RPN2: variants seen among roughly 807,000 people sequenced by gnomAD.
The protein encoded by RPN2 is dolichyl-diphosphooligosaccharide--protein glycosyltransferase subunit 2.
RPN2 carries 29 observed loss-of-function variants against 71.4 expected under a neutral mutation model. The ratio of observed to expected loss-of-function variants is 0.41; its 90% CI spans 0.30 to 0.55. The LOEUF (loss-of-function observed/expected upper bound fraction) is 0.55. Ranked by LOEUF, RPN2 falls within the 20% of genes least tolerant of loss-of-function variation. The pLI, the probability that RPN2 is intolerant of heterozygous loss-of-function variation, is 0.35. For missense variants in RPN2, 726 were observed against 774.1 expected, an observed-to-expected ratio of 0.94 and a Z score of 0.74; for synonymous variants, 308 against 305.0, an observed-to-expected ratio of 1.01 and a Z score of -0.10.
At chr20:37,181,573 A>G (rs936486679) in intron 1 of RPN2, among the ~76,000 whole-genome samples, 2 of 151,612 alleles carry the variant, frequency 1.3e-5, no homozygotes, top group Non-Finnish European at 2.9e-5. Context: ...CCAAGTCACC[A>G]TGTGCGGCTC....
intron 2 of RPN2, among the ~76,000 whole-genome samples, chr20:37,197,278 G>T (rs1316902492): frequency 6.6e-6 from 1 of 152,186 alleles, no homozygotes; most frequent in African/African-American, 2.4e-5. Flanking sequence ...TAAAGGTAAA[G>T]CAACACGGTT....
At chr20:37,192,217 G>A (rs2067157174) in intron 2 of RPN2, among the ~76,000 whole-genome samples, 1 of 152,212 alleles carries the variant, frequency 6.6e-6, no homozygotes, top group African/African-American at 2.4e-5. Context: ...AGTGCATATA[G>A]TAGTAAGTAT....
intron 1 of RPN2, among the ~76,000 whole-genome samples, chr20:37,180,058 A>T (rs77114660): frequency 6.6e-6 from 1 of 152,220 alleles, no homozygotes; most frequent in Admixed American, 6.5e-5. Flanking sequence ...AGTTAACTGC[A>T]TTGGAAGTTA....
At chr20:37,226,056 A>C (rs1333597887) in intron 11 of RPN2, among the ~76,000 whole-genome samples, 21 of 152,050 alleles carry the variant, frequency 1.4e-4, no homozygotes. Context: ...GCAGATTTGC[A>C]CTTAATTAAG....
At chr20:37,233,642 G>A (rs1052679057) in intron 14 of RPN2, among the ~76,000 whole-genome samples, 8 of 152,168 alleles carry the variant, frequency 5.3e-5, no homozygotes, top group African/African-American at 1.4e-4. Context: ...ACCAGCTGCC[G>A]GTGGGTTTAT....
intron 4 of RPN2, among the ~76,000 whole-genome samples, chr20:37,201,117 AT>A (rs1221333012): frequency 3.3e-5 from 5 of 151,036 alleles, no homozygotes; most frequent in Non-Finnish European, 7.4e-5. Context: ...AAATGAGATA[AT>A]AGGTGTGAAG....
intron 6 of RPN2, among the ~76,000 whole-genome samples, chr20:37,206,202 C>G (rs149072579): frequency 4.5e-4 from 69 of 152,268 alleles, no homozygotes; most frequent in African/African-American, 1.7e-3. Context: ...TTAGGTTCCA[C>G]TTTTTTAAAA....
intron 11 of RPN2, 34 bp downstream of exon 11, chr20:37,225,836 G>C: frequency 7.3e-7 from 1 of 1,371,698 alleles, no homozygotes. Flanking sequence ...CTCTTAACCT[G>C]AAATGTGAAT....
intron 6 of RPN2, among the ~76,000 whole-genome samples, chr20:37,205,125 A>C (rs574600561): frequency 6.6e-6 from 1 of 152,216 alleles, no homozygotes; most frequent in African/African-American, 2.4e-5. Context: ...GCTTGCTTTA[A>C]ATGGGGTATG....
chr20:37,223,133 T>C (rs148245938), intron 9 of RPN2, among the ~76,000 whole-genome samples: 11 of 152,336 alleles, frequency 7.2e-5, no homozygotes, highest in African/African-American at 2.2e-4. Context: ...GAATCACACA[T>C]TGATTCTTAA....
chr20:37,208,911 G>A (rs1027924688), intron 7 of RPN2, among the ~76,000 whole-genome samples: 1 of 152,156 alleles, frequency 6.6e-6, no homozygotes, highest in African/African-American at 2.4e-5. Context: ...CGAGTACCCT[G>A]TTCTTCAAAA....
chr20:37,196,719 GA>G (rs2067264998), intron 2 of RPN2, among the ~76,000 whole-genome samples: 1 of 152,172 alleles, frequency 6.6e-6, no homozygotes, highest in South Asian at 2.1e-4. Context: ...ACATCTTTTT[GA>G]ATAGCTGAAT....
chr20:37,236,735 CTAGAGTAGGGT>C, intron 16 of RPN2, 26 bp downstream of exon 16: 1 of 1,611,874 alleles, frequency 6.2e-7, no homozygotes, highest in Non-Finnish European at 8.5e-7. Context: ...AGCCAGGGAT[CTAGAGTAGGGT>C]TAGAAATACT....
At chr20:37,217,272 ATATTATTAT>A (rs751816144) in intron 9 of RPN2, among the ~76,000 whole-genome samples, 3 of 89,004 alleles carry the variant, frequency 3.4e-5, no homozygotes, top group South Asian at 3.8e-4. Flanking sequence ...TGAAAACTAA[ATATTATTAT>A]TATTATTATT....
At chr20:37,238,857 T>C in intron 16 of RPN2, 1 of 522,154 alleles carries the variant, frequency 1.9e-6, no homozygotes, top group Admixed American at 1.9e-5. Context: ...CTTGTCACTG[T>C]TTCTAGACTT....
At chr20:37,235,230 A>G (rs899709782) in intron 15 of RPN2, among the ~76,000 whole-genome samples, 3 of 152,062 alleles carry the variant, frequency 2.0e-5, no homozygotes, top group South Asian at 4.2e-4. Flanking sequence ...TGACAGGATG[A>G]CCTTTCTCTC....
chr20:37,214,934 A>G (rs564343050), intron 9 of RPN2, among the ~76,000 whole-genome samples: 2 of 152,222 alleles, frequency 1.3e-5, no homozygotes, highest in African/African-American at 4.8e-5. Context: ...GTGTTTGCCA[A>G]AGGGTGATTT....
At chr20:37,237,167 G>C (rs2068422999) in intron 16 of RPN2, among the ~76,000 whole-genome samples, 1 of 152,082 alleles carries the variant, frequency 6.6e-6, no homozygotes, top group South Asian at 2.1e-4. Flanking sequence ...AGCTGCAGCA[G>C]GTTTTGCAGA....
Position 37,232,462 on chromosome 20 carries a change from G to C in RPN2, c.1677+71G>C, listed in dbSNP as rs1251171525. 5 of 1,571,132 alleles carry C rather than the reference G, an allele frequency of 3.2e-6. No individual in the cohort carries two copies. In the African/African-American group the frequency reaches 6.8e-5, roughly 21 times the overall value. ...CCCAGCAGATGCATTCCTTCCAAAGGAGGCTGTGTTGTCTGGCCTCAGTAA... is the reference window on the plus strand; with the variant it reads ...CCCAGCAGATGCATTCCTTCCAAAGCAGGCTGTGTTGTCTGGCCTCAGTAA... On this transcript the variant is annotated intron_variant, in intron 14 of 16. Coordinates refer to ENST00000237530, the MANE Select transcript of RPN2 (RefSeq NM_002951.5).
Sources: gnomAD v4.1 joint callset for allele counts (sites outside exome capture counted in the v4.1 genomes callset) on GRCh38, gnomAD v4.1.1 for gene constraint, MANE v1.5 for transcripts, NCBI Gene and HGNC (gene_info 2026-07-23, HGNC 2026-07-21) for gene names.